Variants in SLC6A15 observed in about 807,000 individuals in gnomAD.
SLC6A15 encodes sodium-dependent neutral amino acid transporter B(0)AT2.
Under a neutral mutation model 68.5 loss-of-function variants are expected in SLC6A15, and 33 were observed. The observed-to-expected ratio is 0.48, with a 90% confidence interval of 0.37 to 0.64. The LOEUF is 0.64. SLC6A15 is among the 30% of genes least tolerant of loss of function. SLC6A15 has a pLI of 0.00. For missense variants in SLC6A15, 747 were observed against 874.3 expected, an observed-to-expected ratio of 0.85 and a Z score of 1.84; for synonymous variants, 347 against 301.0, an observed-to-expected ratio of 1.15 and a Z score of -1.58.
intron 1 of SLC6A15, among the ~76,000 whole-genome samples, chr12:84,895,421 C>T (rs981862930): frequency 1.6e-5 from 2 of 128,320 alleles, no homozygotes; most frequent in African/African-American, 3.0e-5. Flanking sequence ...ATGATCTCGG[C>T]TCACCACAAC....
At chr12:84,876,391 T>C in intron 6 of SLC6A15, 106 bp downstream of exon 6, 1 of 599,902 alleles carries the variant, frequency 1.7e-6, no homozygotes, top group South Asian at 2.9e-5. Flanking sequence ...AAAAGTTTAA[T>C]GTACATACAT....
intron 3 of SLC6A15, 127 bp from the exon 4 acceptor site, chr12:84,885,688 T>C (rs1872068608): frequency 8.8e-7 from 1 of 1,131,094 alleles, no homozygotes; most frequent in South Asian, 1.7e-5. Context: ...TTGGGACACA[T>C]TATCTTTTCT....
chr12:84,862,985 TTC>T (rs1870914236), intron 11 of SLC6A15, among the ~76,000 whole-genome samples: 3 of 152,240 alleles, frequency 2.0e-5, no homozygotes, highest in Middle Eastern at 3.4e-3. Context: ...GAGACAGGGA[TTC>T]TCTGTGTTGC....
chr12:84,908,311 A>T (rs61929982), intron 1 of SLC6A15, among the ~76,000 whole-genome samples: 1 of 151,924 alleles, frequency 6.6e-6, no homozygotes, highest in African/African-American at 2.4e-5. Context: ...AGTATAATTA[A>T]ATAACTTTAT....
chr12:84,910,748 A>G (rs1400691960), intron 1 of SLC6A15, among the ~76,000 whole-genome samples: 1 of 152,132 alleles, frequency 6.6e-6, no homozygotes, highest in East Asian at 1.9e-4. Flanking sequence ...CTCTTCATGG[A>G]AGCATCTTAT....
intron 1 of SLC6A15, among the ~76,000 whole-genome samples, chr12:84,904,224 G>GGAGAGAGAGAGAGAGAGAGA (rs370457657): frequency 0.014 from 1,674 of 121,930 alleles, 62 homozygotes; most frequent in African/African-American, 0.04. Context: ...GGGCGGAGGG[G>GGAGAGAGAGAGAGAGAGAGA]GAGAGAGAGA....
At chr12:84,894,971 G>T (rs1477311781) in intron 1 of SLC6A15, among the ~76,000 whole-genome samples, 1 of 151,962 alleles carries the variant, frequency 6.6e-6, no homozygotes, top group Admixed American at 6.6e-5. Context: ...GTGGGTATTT[G>T]CATGCATTAA....
At chr12:84,883,570 A>G in intron 5 of SLC6A15, 2 of 1,382,766 alleles carry the variant, frequency 1.4e-6, no homozygotes, top group Admixed American at 3.3e-5. Context: ...GGACTAATTG[A>G]ATAAAGGGCA....
chr12:84,905,318 C>G (rs886503051), intron 1 of SLC6A15, among the ~76,000 whole-genome samples: 1 of 152,126 alleles, frequency 6.6e-6, no homozygotes. Flanking sequence ...AATCACATGA[C>G]TATATCTACT....
chr12:84,872,859 C>A, intron 7 of SLC6A15, 65 bp from the exon 8 acceptor site: 1 of 1,339,786 alleles, frequency 7.5e-7, no homozygotes, highest in Non-Finnish European at 1.0e-6. Flanking sequence ...TTGTGAACGA[C>A]TATGCCATTA....
intron 7 of SLC6A15, 57 bp from the exon 8 acceptor site, chr12:84,872,851 G>T: frequency 7.2e-7 from 1 of 1,382,632 alleles, no homozygotes; most frequent in East Asian, 2.3e-5. Flanking sequence ...TGTATAGTTT[G>T]TGAACGACTA....
At chr12:84,910,953 G>GTGTGTCTT (rs1565736544) in intron 1 of SLC6A15, among the ~76,000 whole-genome samples, 30 of 145,100 alleles carry the variant, frequency 2.1e-4, no homozygotes, top group African/African-American at 7.2e-4. Flanking sequence ...GTGTGTGTGT[G>GTGTGTCTT]TCTTTAACCC....
intron 9 of SLC6A15, among the ~76,000 whole-genome samples, chr12:84,869,365 G>A (rs568538525): frequency 6.6e-6 from 1 of 151,154 alleles, no homozygotes. Flanking sequence ...GGGAGGCTGA[G>A]GCAGGAGAAT....
rs576902732 is a variant in SLC6A15 at position 84,874,897 on chromosome 12, A to C, written c.868-1569T>G. 5.3e-5 allele frequency among the ~76,000 whole-genome samples: 8 copies of C among 152,322 alleles called. No individual in the cohort carries two copies. The South Asian group carries it at 1.7e-3, about 32-fold the overall frequency. On this transcript the variant is annotated intron_variant, in intron 6 of 11. Transcript: ENST00000266682. ...TTTTTAAAAATTACAATTACTTCTC[A>C]TATTGAGTATCACATCCTACAGAAA...
chr12:84,908,210 T>G (rs994422683), intron 1 of SLC6A15, among the ~76,000 whole-genome samples: 8 of 152,176 alleles, frequency 5.3e-5, no homozygotes, highest in African/African-American at 1.9e-4. Flanking sequence ...ACAAGAACTC[T>G]CTGTGTTATT....
intron 9 of SLC6A15, chr12:84,867,983 C>T (rs1871130990): frequency 6.6e-6 from 1 of 152,160 alleles, no homozygotes; most frequent in Non-Finnish European, 1.5e-5. Flanking sequence ...GCAGAGAAGC[C>T]TCCAAAGGTA....
chr12:84,876,634 G>T, intron 5 of SLC6A15, 27 bp from the exon 6 acceptor site: 1 of 1,197,476 alleles, frequency 8.4e-7, no homozygotes, highest in Non-Finnish European at 1.2e-6. Context: ...ATAAAAATAA[G>T]TGAGATACAA....
intron 4 of SLC6A15, among the ~76,000 whole-genome samples, chr12:84,884,595 C>T (rs555639215): frequency 1.6e-4 from 25 of 152,162 alleles, no homozygotes; most frequent in African/African-American, 5.1e-4. Context: ...AGTGAGCCAC[C>T]GCACCCAACC....
intron 1 of SLC6A15, among the ~76,000 whole-genome samples, chr12:84,904,903 G>A (rs1288802108): frequency 6.6e-6 from 1 of 152,064 alleles, no homozygotes; most frequent in Non-Finnish European, 1.5e-5. Flanking sequence ...ACATTTAATA[G>A]CTATATAACT....
Sources: allele counts gnomAD v4.1 joint callset (sites outside exome capture counted in the v4.1 genomes callset), GRCh38; gene constraint gnomAD v4.1.1; transcripts MANE v1.5; gene names NCBI Gene and HGNC (gene_info 2026-07-23, HGNC 2026-07-21).